GRID2: variants seen among roughly 807,000 people sequenced by gnomAD.
The protein encoded by GRID2 is glutamate receptor ionotropic, delta-2.
In GRID2, 33 loss-of-function variants were observed where a neutral mutation model predicts 114.8. The observed-to-expected ratio is 0.29, with a 90% CI of 0.22 to 0.38. GRID2 has a LOEUF of 0.38. Ranked by LOEUF, GRID2 falls within the 10% of genes least tolerant of loss-of-function variation. The pLI is 1.00. For missense variants in GRID2, 1,184 were observed against 1,257.7 expected, an observed-to-expected ratio of 0.94 and a Z score of 0.89; for synonymous variants, 505 against 449.9, an observed-to-expected ratio of 1.12 and a Z score of -1.55.
intron 2 of GRID2, among the ~76,000 whole-genome samples, chr4:92,945,887 C>T (rs1040935230): frequency 1.9e-4 from 29 of 152,246 alleles, no homozygotes; most frequent in Admixed American, 1.8e-3. Context: ...TCTATGCCCC[C>T]TTAACTTCAG....
intron 1 of GRID2, among the ~76,000 whole-genome samples, chr4:92,429,614 C>T (rs1397190655): frequency 6.6e-6 from 1 of 151,996 alleles, no homozygotes; most frequent in Admixed American, 6.6e-5. Flanking sequence ...GAAAGGAATC[C>T]AGCAGTGAGA....
At chr4:93,240,030 T>G (rs1420707896) in intron 8 of GRID2, among the ~76,000 whole-genome samples, 6 of 151,636 alleles carry the variant, frequency 4.0e-5, no homozygotes, top group African/African-American at 1.4e-4. Context: ...TGTATGGATT[T>G]GTCCCACACC....
intron 1 of GRID2, among the ~76,000 whole-genome samples, chr4:93,783,238 C>T (rs113029024): frequency 9.3e-4 from 142 of 152,306 alleles, no homozygotes; most frequent in African/African-American, 3.3e-3. Context: ...TCGTAATAAC[C>T]CTGTAAGTTT....
intron 2 of GRID2, among the ~76,000 whole-genome samples, chr4:92,652,678 T>C (rs1291361423): frequency 2.2e-5 from 3 of 133,832 alleles, no homozygotes; most frequent in African/African-American, 8.1e-5. Flanking sequence ...GTCTTAAAAA[T>C]ATGTAATTTT....
At chr4:93,341,633 G>T (rs990758031) in intron 8 of GRID2, among the ~76,000 whole-genome samples, 8 of 152,066 alleles carry the variant, frequency 5.3e-5, no homozygotes, top group Non-Finnish European at 1.0e-4. Flanking sequence ...CTTTAGTAAT[G>T]GTTTTTATGT....
chr4:92,914,586 A>T (rs1315665266), intron 2 of GRID2, among the ~76,000 whole-genome samples: 1 of 151,894 alleles, frequency 6.6e-6, no homozygotes, highest in Non-Finnish European at 1.5e-5. Context: ...CCGCATTCTG[A>T]TAGGCCCTAG....
chr4:93,534,321 C>T (rs1731808460), intron 13 of GRID2, among the ~76,000 whole-genome samples: 1 of 151,992 alleles, frequency 6.6e-6, no homozygotes, highest in Non-Finnish European at 1.5e-5. Context: ...TTAAGGTTTA[C>T]AACATGGTGT....
At chr4:92,520,593 AG>A (rs1724720904) in intron 1 of GRID2, among the ~76,000 whole-genome samples, 1 of 151,958 alleles carries the variant, frequency 6.6e-6, no homozygotes, top group Non-Finnish European at 1.5e-5. Flanking sequence ...TCTTAATCAC[AG>A]GGAATGGTAT....
chr4:92,361,728 C>T (rs1728628560), intron 1 of GRID2, among the ~76,000 whole-genome samples: 1 of 151,914 alleles, frequency 6.6e-6, no homozygotes. Flanking sequence ...CTCCAAATTC[C>T]TTTGTTGCCA....
At chr4:92,826,994 T>C (rs746829575) in intron 2 of GRID2, among the ~76,000 whole-genome samples, 7 of 152,070 alleles carry the variant, frequency 4.6e-5, no homozygotes, top group Non-Finnish European at 1.0e-4. Flanking sequence ...GGAGTTTTTA[T>C]GTTTCATCAA....
intron 4 of GRID2, among the ~76,000 whole-genome samples, chr4:93,142,094 G>C (rs766094064): frequency 6.6e-6 from 1 of 152,110 alleles, no homozygotes; most frequent in Admixed American, 6.5e-5. Context: ...TGTGCCTGTG[G>C]TCTCAGCCAC....
At chr4:93,199,082 A>G (rs961150741) in intron 4 of GRID2, among the ~76,000 whole-genome samples, 9 of 152,144 alleles carry the variant, frequency 5.9e-5, no homozygotes, top group African/African-American at 2.2e-4. Flanking sequence ...AAAAGTTACC[A>G]TATTAGCATA....
intron 13 of GRID2, among the ~76,000 whole-genome samples, chr4:93,557,040 C>T (rs868144994): frequency 6.6e-6 from 1 of 152,116 alleles, no homozygotes; most frequent in African/African-American, 2.4e-5. Context: ...CAAGCAAATG[C>T]TGAGGGATTT....
At chr4:92,670,636 T>A (rs1023930129) in intron 2 of GRID2, among the ~76,000 whole-genome samples, 1 of 152,098 alleles carries the variant, frequency 6.6e-6, no homozygotes, top group Non-Finnish European at 1.5e-5. Flanking sequence ...ATGTAAAATT[T>A]CAGTAAATGT....
intron 4 of GRID2, among the ~76,000 whole-genome samples, chr4:93,159,241 C>T (rs1244007834): frequency 4.0e-5 from 6 of 151,800 alleles, no homozygotes; most frequent in Admixed American, 4.0e-4. Context: ...ATAAGGCCGA[C>T]TCTGTAAGGT....
intron 4 of GRID2, among the ~76,000 whole-genome samples, chr4:93,145,502 C>T (rs890590813): frequency 1.4e-5 from 2 of 148,062 alleles, no homozygotes; most frequent in Non-Finnish European, 3.0e-5. Flanking sequence ...ACTCTTGTCA[C>T]CCAAGCTGGA....
chr4:93,618,159 C>T (rs73841813), intron 13 of GRID2, among the ~76,000 whole-genome samples: 2,121 of 152,256 alleles, frequency 0.014, 49 homozygotes, highest in African/African-American at 0.049. Context: ...TTCATCTATT[C>T]AATACTTTGG....
At chr4:93,470,033 G>C (rs1236304729) in intron 11 of GRID2, among the ~76,000 whole-genome samples, 1 of 152,152 alleles carries the variant, frequency 6.6e-6, no homozygotes, top group African/African-American at 2.4e-5. Context: ...AGCTTGTATT[G>C]ACCCAAGTGA....
intron 2 of GRID2, among the ~76,000 whole-genome samples, chr4:92,761,963 T>C (rs1288597366): frequency 6.6e-6 from 1 of 152,220 alleles, no homozygotes; most frequent in Admixed American, 6.5e-5. Context: ...AGAGTCTCGC[T>C]CTGTCTCCAG....
Sources: gnomAD v4.1 joint callset for allele counts (sites outside exome capture counted in the v4.1 genomes callset) on GRCh38, gnomAD v4.1.1 for gene constraint, MANE v1.5 for transcripts, NCBI Gene and HGNC (gene_info 2026-07-23, HGNC 2026-07-21) for gene names.